MAPRE2: variants seen among roughly 807,000 people sequenced by gnomAD.
The protein encoded by MAPRE2 is microtubule associated protein RP/EB family member 2.
A neutral mutation model predicts 43.2 loss-of-function variants in MAPRE2; 13 were observed. The observed-to-expected ratio is 0.30, with a 90% CI of 0.20 to 0.48. MAPRE2 has a LOEUF of 0.48. Among genes scored for constraint, MAPRE2 ranks in the 20% least tolerant of loss-of-function variants. MAPRE2 has a pLI of 0.99. For missense variants in MAPRE2, 161 were observed against 400.2 expected, an observed-to-expected ratio of 0.40 and a Z score of 5.10; for synonymous variants, 135 against 148.8, an observed-to-expected ratio of 0.91 and a Z score of 0.68.
At chr18:35,013,421 C>A (rs148586570) in intron 2 of MAPRE2, among the ~76,000 whole-genome samples, 18 of 152,242 alleles carry the variant, frequency 1.2e-4, no homozygotes, top group African/African-American at 4.3e-4. Context: ...TGTACATATT[C>A]ATGGGGTACA....
chr18:35,071,003 A>G (rs498711), intron 2 of MAPRE2, among the ~76,000 whole-genome samples: 45,159 of 151,880 alleles, frequency 0.3, 8,511 homozygotes, highest in East Asian at 0.52. Context: ...TCATCCTCCA[A>G]AATGACACTT....
chr18:35,011,199 C>T (rs1473384979), intron 2 of MAPRE2, among the ~76,000 whole-genome samples: 1 of 152,126 alleles, frequency 6.6e-6, no homozygotes, highest in Non-Finnish European at 1.5e-5. Context: ...GAGTCCTCAG[C>T]AGCAACAGCT....
Position 35,070,228 on chromosome 18 carries a change from G to C in MAPRE2, c.156G>C (p.Ser52=). Residue 52 remains serine (S), a synonymous_variant, in exon 2 of 7, where the codon TCG becomes TCC. Transcript: ENST00000300249. ...TGGCGGTCAATGTGTATTCTACCTCGATAACCCAAGAGACTATGAGCAGAC... is the reference window on the plus strand; with the variant it reads ...TGGCGGTCAATGTGTATTCTACCTCCATAACCCAAGAGACTATGAGCAGAC... ...WGMAVNVYST[S]ITQETMSRHD... 2.5e-6 allele frequency: 4 copies of C among 1,607,612 alleles called. No homozygotes were observed. Among genetic ancestry groups the C allele is most frequent in the East Asian group, 4.5e-5 (2 of 44,616 alleles).
chr18:35,047,294 A>G (rs965683339), intron 1 of MAPRE2, among the ~76,000 whole-genome samples: 1 of 152,220 alleles, frequency 6.6e-6, no homozygotes, highest in Non-Finnish European at 1.5e-5. Flanking sequence ...ACTTCAGGCC[A>G]TCTTTCAGCT....
At chr18:35,024,023 C>G (rs1013618363) in intron 2 of MAPRE2, among the ~76,000 whole-genome samples, 2 of 152,094 alleles carry the variant, frequency 1.3e-5, no homozygotes, top group Admixed American at 1.3e-4. Flanking sequence ...AAAGAACCAC[C>G]GTAGGGCACA....
rs1006545285 is a variant in MAPRE2, at chr18:35,047,560, C to G, written c.122+5899C>G. Among the ~76,000 whole-genome samples the G allele has an allele frequency of 5.9e-5, 9 of 152,120 alleles. No individual in the cohort carries two copies. The East Asian group carries it at 1.7e-3, about 29-fold the overall frequency. Reference sequence around the variant, plus strand: ...AGGCAAGAAATTATGCAACATTTACCTTATAGCATAAATCAAAGAAATTTC... The same window carrying G: ...AGGCAAGAAATTATGCAACATTTACGTTATAGCATAAATCAAAGAAATTTC... On this transcript the variant is annotated intron_variant, in intron 1 of 6. Coordinates refer to ENST00000300249, the MANE Select transcript of MAPRE2 (RefSeq NM_014268.4).
intron 2 of MAPRE2, among the ~76,000 whole-genome samples, chr18:35,010,213 C>T (rs1456622337): frequency 6.6e-6 from 1 of 152,032 alleles, no homozygotes; most frequent in Non-Finnish European, 1.5e-5. Flanking sequence ...ATAGCAAGAC[C>T]TCATCTCTCT....
intron 2 of MAPRE2, among the ~76,000 whole-genome samples, chr18:35,011,551 C>T (rs565072171): frequency 6.6e-6 from 1 of 152,164 alleles, no homozygotes; most frequent in African/African-American, 2.4e-5. Context: ...GTCCTTTAAG[C>T]GTAGAGGTAA....
chr18:34,986,278 C>T (rs988411582), intron 1 of MAPRE2, among the ~76,000 whole-genome samples: 1 of 152,094 alleles, frequency 6.6e-6, no homozygotes, highest in Non-Finnish European at 1.5e-5. Context: ...CCACCTTGAA[C>T]GTTCCTTCCT....
intron 2 of MAPRE2, among the ~76,000 whole-genome samples, chr18:35,084,828 A>G (rs1907795697): frequency 6.6e-6 from 1 of 152,246 alleles, no homozygotes; most frequent in South Asian, 2.1e-4. Context: ...GCTGAGGACC[A>G]TGGGAATTCA....
chr18:35,121,038 A>G (rs1262609106), intron 4 of MAPRE2, among the ~76,000 whole-genome samples: 2 of 152,182 alleles, frequency 1.3e-5, no homozygotes, highest in African/African-American at 2.4e-5. Flanking sequence ...TATTAATGTC[A>G]TATTTTTATC....
At chr18:35,077,643 C>G (rs1907435766) in intron 2 of MAPRE2, among the ~76,000 whole-genome samples, 2 of 152,102 alleles carry the variant, frequency 1.3e-5, no homozygotes, top group African/African-American at 4.8e-5. Flanking sequence ...TGACTGGAGC[C>G]CTAACTCCAT....
rs1048879514 is a variant in MAPRE2 at position 35,127,066 on chromosome 18, G to A, written c.729G>A (p.Gln243=). 1.9e-6 allele frequency: 3 copies of A among 1,613,998 alleles called. No individual in the cohort carries two copies. The African/African-American group carries it at 4.0e-5, about 22-fold the overall frequency. Residue 243 remains glutamine (Q), a synonymous_variant, in exon 5 of 7, where the codon CAG becomes CAA. Coordinates refer to ENST00000300249, the MANE Select transcript of MAPRE2 (RefSeq NM_014268.4). The part of the protein sequence containing the change: ...ASKSDKDLET[Q]VIQLNEQVHS... ...AATCCGATAAAGATTTAGAAACGCA[G>A]GTCATACAGCTTAATGAACAGGTAA...
chr18:35,090,307 A>G (rs1017092198), intron 2 of MAPRE2, among the ~76,000 whole-genome samples: 31 of 152,220 alleles, frequency 2.0e-4, no homozygotes, highest in African/African-American at 7.5e-4. Flanking sequence ...ATTATATCCT[A>G]GCTTTACTAG....
intron 4 of MAPRE2, among the ~76,000 whole-genome samples, chr18:35,122,281 T>C (rs1360936146): frequency 6.6e-6 from 1 of 152,228 alleles, no homozygotes; most frequent in Non-Finnish European, 1.5e-5. Context: ...TTTACATTTA[T>C]TTGAAAACAA....
intron 2 of MAPRE2, among the ~76,000 whole-genome samples, chr18:35,012,520 G>A (rs1046615312): frequency 6.6e-6 from 1 of 152,152 alleles, no homozygotes; most frequent in African/African-American, 2.4e-5. Flanking sequence ...GAGATGAATG[G>A]ATAAACAAAA....
chr18:35,126,953 G>T lies in MAPRE2; in HGVS notation c.616G>T (p.Ala206Ser). The change falls in exon 5 of 7, where the codon GCT (alanine) becomes TCT (serine). Residue 206 changes from alanine (A) to serine (S), a missense_variant. This residue lies in a region of MAPRE2 where 96 missense variants were observed against 153.3 expected (regional missense o/e 0.63). Coordinates refer to ENST00000300249, the MANE Select transcript of MAPRE2 (RefSeq NM_014268.4). ...HHANSPTAGA[A>S]KSSPAAKPGS... ...TTTATTCTGATTGCTTTCAGGTGCA[G>T]CTAAATCAAGTCCAGCAGCTAAACC... 6.2e-7 allele frequency: 1 copy of T among 1,613,930 alleles called. No homozygotes were observed.
At chr18:35,062,660 C>T (rs1906591838) in intron 1 of MAPRE2, among the ~76,000 whole-genome samples, 2 of 152,170 alleles carry the variant, frequency 1.3e-5, no homozygotes, top group South Asian at 4.1e-4. Context: ...GTCCTTCTCC[C>T]CTGTTGGCAT....
At chr18:35,009,156 C>T (rs2097033200) in intron 2 of MAPRE2, among the ~76,000 whole-genome samples, 1 of 151,862 alleles carries the variant, frequency 6.6e-6, no homozygotes, top group African/African-American at 2.4e-5. Flanking sequence ...TAAGATGCAC[C>T]ATAGGAGAAA....
Sources: gnomAD v4.1 joint callset for allele counts (sites outside exome capture counted in the v4.1 genomes callset) on GRCh38, gnomAD v4.1.1 for gene constraint, gnomAD v4.1.1 regional missense constraint, MANE v1.5 for transcripts, NCBI Gene and HGNC (gene_info 2026-07-23, HGNC 2026-07-21) for gene names.